Variants in TNFAIP2 observed in about 807,000 individuals in gnomAD.
TNFAIP2 encodes the protein tumor necrosis factor alpha-induced protein 2.
TNFAIP2 carries 47 observed loss-of-function variants against 63.5 expected under a neutral mutation model. The observed-to-expected ratio is 0.74, with a 90% CI of 0.59 to 0.94. The LOEUF (loss-of-function observed/expected upper bound fraction) is 0.94. TNFAIP2 is among the 40% of genes least tolerant of loss of function. The probability of loss-of-function intolerance (pLI) is 0.00; values close to 1 mark genes in which losing one functional copy is unlikely to be tolerated. For synonymous variants in TNFAIP2, 405 were observed against 390.2 expected (o/e 1.04, Z -0.45); for missense variants, 787 against 850.2 (o/e 0.93, Z 0.92).
rs753889555 is a variant in TNFAIP2 at position 103,126,633 on chromosome 14, C to A, written c.176C>A (p.Ser59Ter). 1 of 1,554,772 alleles carries A rather than the reference C, an allele frequency of 6.4e-7. No individual in the cohort carries two copies. Among genetic ancestry groups the A allele is most frequent in the East Asian group, 2.4e-5 (1 of 41,762 alleles). The change falls in exon 2 of 12, where the codon TCA becomes TAA. Residue 59 changes from serine (S) to a stop codon, truncating the protein, a stop_gained. Coordinates refer to ENST00000560869, the MANE Select transcript of TNFAIP2 (RefSeq NM_006291.4). LOFTEE classifies it high-confidence loss of function. ...KGKKKKGQPS[S>*]AEPEDAAGSR... ...AAGAAGAAGAAGGGTCAGCCCAGCT[C>A]AGCGGAGCCCGAGGACGCAGCCGGG...
chr14:103,121,680 G>A (rs909326353), upstream of TNFAIP2, among the ~76,000 whole-genome samples: 3 of 152,210 alleles, frequency 2.0e-5, no homozygotes, highest in Non-Finnish European at 1.5e-5. Context: ...CAGCAGCCTC[G>A]TTTCCCAATC....
At chr14:103,128,407 C>T (rs1184759241) in intron 3 of TNFAIP2, among the ~76,000 whole-genome samples, 4 of 152,200 alleles carry the variant, frequency 2.6e-5, no homozygotes, top group East Asian at 1.9e-4. Context: ...CCCTTGACTC[C>T]ATAGATCCCT....
chr14:103,124,688 T>A (rs2087817569), intron 1 of TNFAIP2, among the ~76,000 whole-genome samples: 1 of 152,194 alleles, frequency 6.6e-6, no homozygotes, highest in Non-Finnish European at 1.5e-5. Flanking sequence ...GTGCTAGGCA[T>A]GCACCTGAGA....
Position 103,126,637 on chromosome 14 carries a change from G to T in TNFAIP2, c.180G>T (p.Ala60=). The part of the protein sequence containing the change: ...GKKKKGQPSS[A]EPEDAAGSRQ... ...AGAAGAAGGGTCAGCCCAGCTCAGC[G>T]GAGCCCGAGGACGCAGCCGGGTCCA... The change falls in exon 2 of 12, where the codon GCG becomes GCT. Residue 60 remains alanine, a synonymous_variant. Coordinates refer to ENST00000560869, the MANE Select transcript of TNFAIP2 (RefSeq NM_006291.4). 1 of 1,555,018 alleles carries T rather than the reference G, an allele frequency of 6.4e-7. No individual in the cohort carries two copies. Among genetic ancestry groups the T allele is most frequent in the Admixed American group, 2.0e-5 (1 of 51,200 alleles).
chr14:103,128,444 G>A (rs376232398), intron 3 of TNFAIP2, among the ~76,000 whole-genome samples: 1 of 152,204 alleles, frequency 6.6e-6, no homozygotes, highest in East Asian at 1.9e-4. Context: ...CGCACGGTCT[G>A]CATGGAGAGA....
At chr14:103,132,549 G>A (rs1010000551) in intron 8 of TNFAIP2, among the ~76,000 whole-genome samples, 1 of 152,342 alleles carries the variant, frequency 6.6e-6, no homozygotes, top group African/African-American at 2.4e-5. Context: ...TTGGATAAGG[G>A]TGCACAGAGC....
rs1419471260 is a variant in TNFAIP2 at position 103,136,255 on chromosome 14, C to A, written c.*895C>A. ...CTGTATTTGTTTCCTATTGCCGTGACAGGTTTCCACAAACTTCGTGGATCA... is the reference window on the plus strand; with the variant it reads ...CTGTATTTGTTTCCTATTGCCGTGAAAGGTTTCCACAAACTTCGTGGATCA... On this transcript the variant is annotated 3_prime_UTR_variant, in exon 12 of 12. Coordinates refer to ENST00000560869, the MANE Select transcript of TNFAIP2 (RefSeq NM_006291.4). 4.6e-6 allele frequency: 1 copy of A among 219,246 alleles called. No homozygotes were observed. Among genetic ancestry groups the A allele is most frequent in the Non-Finnish European group, 9.3e-6 (1 of 107,458 alleles). 13.6% of individuals were successfully genotyped at this position (219,246 alleles called of 1,614,324 possible).
chr14:103,127,570 C>G lies in TNFAIP2; in HGVS notation c.801C>G (p.Phe267Leu), dbSNP rs370609704. Residue 267 changes from phenylalanine (F) to leucine (L), a missense_variant, in exon 3 of 12, where the codon TTC (phenylalanine) becomes TTG (leucine). Phe to Leu is a conservative substitution (Grantham distance 22). This residue lies in a region of TNFAIP2 where 523 missense variants were observed against 604.1 expected (regional missense o/e 0.87). Transcript: ENST00000560869. The surrounding 1 kb of genome is among the most constrained non-coding windows in gnomAD (Gnocchi z 5.1). Reference protein sequence around the residue: ...FAAHLAAVAQFELCERDTYML... With the variant: ...FAAHLAAVAQLELCERDTYML... ...CCCACCTGGCCGCCGTGGCGCAGTT[C>G]GAGCTGTGCGAGCGCGACACCTACA... 3 of 1,573,914 alleles carry G rather than the reference C, an allele frequency of 1.9e-6. No homozygotes were observed. Among genetic ancestry groups the G allele is most frequent in the South Asian group, 1.1e-5 (1 of 87,596 alleles).
At chr14:103,126,179 A>T (rs2087847585) in intron 1 of TNFAIP2, 131 bp from the exon 2 acceptor site, 1 of 277,212 alleles carries the variant, frequency 3.6e-6, no homozygotes, top group Non-Finnish European at 6.9e-6. Context: ...CCAGGAGATG[A>T]GCAGAGCCCC....
intron 2 of TNFAIP2, 53 bp from the exon 3 acceptor site, chr14:103,126,952 C>G: frequency 7.8e-7 from 1 of 1,283,512 alleles, no homozygotes; most frequent in Non-Finnish European, 9.8e-7. Flanking sequence ...CTGGCCGCCC[C>G]GCCCGGTGGG....
intron 6 of TNFAIP2, among the ~76,000 whole-genome samples, chr14:103,130,757 C>T (rs570384944): frequency 6.6e-6 from 1 of 152,346 alleles, no homozygotes; most frequent in East Asian, 1.9e-4. Flanking sequence ...TCTCTGCTCT[C>T]TCCCTCTCGA....
intron 11 of TNFAIP2, among the ~76,000 whole-genome samples, 170 bp downstream of exon 11, chr14:103,133,973 T>G (rs2088044594): frequency 6.6e-6 from 1 of 152,230 alleles, no homozygotes; most frequent in Admixed American, 6.5e-5. Flanking sequence ...AGGACAATAC[T>G]TCCCATTCCC....
chr14:103,132,671 GT>G (rs765952181), intron 8 of TNFAIP2, 78 bp from the exon 9 acceptor site: 5 of 1,129,994 alleles, frequency 4.4e-6, no homozygotes, highest in Non-Finnish European at 5.9e-6. Context: ...GTGTGTCTGT[GT>G]CTGCGTGTCT....
chr14:103,136,071 C>T lies in TNFAIP2; in HGVS notation c.*711C>T, dbSNP rs555112282. On this transcript the variant is annotated 3_prime_UTR_variant, in exon 12 of 12. Coordinates refer to ENST00000560869, the MANE Select transcript of TNFAIP2 (RefSeq NM_006291.4). ...CCCCCGAGGGCTTGGTGTCTACTAC[C>T]GAAGGGCCCAAGACCTCCTGGGTCC... The T allele has an allele frequency of 1.7e-5, 21 of 1,211,522 alleles. No homozygotes were observed. In the Admixed American group the frequency reaches 2.9e-4, roughly 17 times the overall value. 75.0% of individuals were successfully genotyped at this position (1,211,522 alleles called of 1,614,324 possible). A position where few individuals can be genotyped will look rare whatever the true frequency, so the allele number is the denominator to read the frequency against.
At position 103,131,398 on chromosome 14, in the gene TNFAIP2, T is replaced by C. The variant is rs2087970108; in HGVS notation, c.1299-241T>C. The stretch of plus-strand genomic sequence containing the variant: ...AAGCAACCCTGTGAAGTAGGTATAG[T>C]GATCTGTCTATTAGGCAGATGGGCA... On this transcript the variant is annotated intron_variant, in intron 7 of 11. Transcript: ENST00000560869. This position sits in a 1 kb window ranked among gnomAD's most constrained non-coding sequence, Gnocchi z 4.0. 6.6e-6 allele frequency among the ~76,000 whole-genome samples: 1 copy of C among 152,172 alleles called. No individual in the cohort carries two copies. Among genetic ancestry groups the C allele is most frequent in the African/African-American group, 2.4e-5 (1 of 41,426 alleles).
In TNFAIP2 at chr14:103,127,827, G is replaced by C. The variant is rs1174191296; in HGVS notation, c.860+198G>C. ...CAGGCAGAGACTGGGCCTGGACACAGGGATAAGGCTGGGGCTGGGTCTGCG... is the reference window on the plus strand; with the variant it reads ...CAGGCAGAGACTGGGCCTGGACACACGGATAAGGCTGGGGCTGGGTCTGCG... On this transcript the variant is annotated intron_variant, in intron 3 of 11. Transcript: ENST00000560869. The surrounding 1 kb of genome is among the most constrained non-coding windows in gnomAD (Gnocchi z 5.1). 6.6e-6 allele frequency among the ~76,000 whole-genome samples: 1 copy of C among 152,192 alleles called. No individual in the cohort carries two copies. Among genetic ancestry groups the C allele is most frequent in the Non-Finnish European group, 1.5e-5 (1 of 68,042 alleles).
intron 4 of TNFAIP2, 34 bp from the exon 5 acceptor site, chr14:103,129,968 A>G (rs754712500): frequency 9.0e-5 from 145 of 1,609,614 alleles, no homozygotes; most frequent in Non-Finnish European, 1.2e-4. Context: ...GAGGTGAGGG[A>G]TAGTGCCCCA....
rs1185060104 is a variant in TNFAIP2, at chr14:103,133,359, C to T, written c.1546-3C>T. 1.2e-6 allele frequency: 2 copies of T among 1,612,868 alleles called. No individual in the cohort carries two copies. The highest frequency in any genetic ancestry group is 1.1e-5 in the South Asian group (1 of 91,032). ...ACACGCCCCTGGCTGCTTGCCCTCCCAGGAGCTCATGGAGGCCTTGCACCT... is the reference window on the plus strand; with the variant it reads ...ACACGCCCCTGGCTGCTTGCCCTCCTAGGAGCTCATGGAGGCCTTGCACCT... On this transcript the variant is annotated splice_region_variant and splice_polypyrimidine_tract_variant and intron_variant, in intron 9 of 11. Transcript: ENST00000560869.
In TNFAIP2 at chr14:103,126,616, G is replaced by A; in HGVS notation, c.159G>A (p.Lys53=). The A allele has an allele frequency of 3.9e-6, 6 of 1,554,260 alleles. No homozygotes were observed. Among genetic ancestry groups the A allele is most frequent in the South Asian group, 3.6e-5 (3 of 84,314 alleles). ...GCGTCTTCACCAAAGGGAAGAAGAAGAAGGGTCAGCCCAGCTCAGCGGAGC... is the reference window on the plus strand; with the variant it reads ...GCGTCTTCACCAAAGGGAAGAAGAAAAAGGGTCAGCCCAGCTCAGCGGAGC... The part of the protein sequence containing the change: ...VFCVFTKGKK[K]KGQPSSAEPE... The change falls in exon 2 of 12, where the codon AAG becomes AAA. Residue 53 remains lysine, a synonymous_variant. Coordinates refer to ENST00000560869, the MANE Select transcript of TNFAIP2 (RefSeq NM_006291.4).
Sources: allele counts gnomAD v4.1 joint callset (sites outside exome capture counted in the v4.1 genomes callset), GRCh38; gene constraint gnomAD v4.1.1; regional missense constraint gnomAD v4.1.1; non-coding constraint Gnocchi (gnomAD v3.1); transcripts MANE v1.5; gene names NCBI Gene and HGNC (gene_info 2026-07-23, HGNC 2026-07-21).